Variants in FRYL observed in about 807,000 individuals in gnomAD.
FRYL encodes the protein FRY like transcription coactivator, also known as protein furry homolog-like.
Under a neutral mutation model 351.2 loss-of-function variants are expected in FRYL, and 150 were observed. The observed-to-expected ratio is 0.43, with a 90% CI of 0.37 to 0.49. The LOEUF is 0.49. Among genes scored for constraint, FRYL ranks in the 20% least tolerant of loss-of-function variants. The probability of loss-of-function intolerance (pLI) is 0.00; values close to 1 mark genes in which losing one functional copy is unlikely to be tolerated. For synonymous variants in FRYL, 1,153 were observed against 1,257.1 expected, an observed-to-expected ratio of 0.92 and a Z score of 1.75; for missense variants, 3,036 against 3,619.3, an observed-to-expected ratio of 0.84 and a Z score of 4.13.
At chr4:48,753,924 C>A (rs969689220) in intron 1 of FRYL, among the ~76,000 whole-genome samples, 30 of 151,052 alleles carry the variant, frequency 2.0e-4, no homozygotes, top group African/African-American at 6.3e-4. Flanking sequence ...TGCCCTTGCC[C>A]AAAAAAAATG....
chr4:48,584,943 C>G lies in FRYL; in HGVS notation c.1748+1678G>C, dbSNP rs550370918. ...AGGTAAATTATTAGTAAACAAATAT[C>G]ATAGGAGAAAGAAGCAAAGTGAACA... On this transcript the variant is annotated intron_variant, in intron 19 of 63. Coordinates refer to ENST00000358350, the MANE Select transcript of FRYL (RefSeq NM_015030.2). 3.4e-4 allele frequency among the ~76,000 whole-genome samples: 51 copies of G among 152,226 alleles called. 1 individual carries two copies. In the South Asian group the frequency reaches 6.6e-3, roughly 20 times the overall value.
In FRYL at chr4:48,501,784, A is replaced by G. The variant is rs377195520; in HGVS notation, c.8482-51T>C. On this transcript the variant is annotated intron_variant, in intron 61 of 63. Coordinates refer to ENST00000358350, the MANE Select transcript of FRYL (RefSeq NM_015030.2). ...ATTTAGGTGTTATTTTCTAGACAGC[A>G]TATTTCCAATGGAAATTTATAGTTA... is the stretch of plus-strand genomic sequence containing the variant. 2.9e-5 allele frequency: 30 copies of G among 1,034,332 alleles called. No homozygotes were observed. The Admixed American group carries it at 5.2e-4, about 18-fold the overall frequency. The allele number at this position is 1,034,332 out of a possible 1,614,324, so 64.1% of individuals were successfully genotyped here. A position where few individuals can be genotyped will look rare whatever the true frequency, so the allele number is the denominator to read the frequency against.
In FRYL at chr4:48,551,698, A is replaced by G. The variant is rs867169819; in HGVS notation, c.4436-120T>C. 3.3e-5 allele frequency: 21 copies of G among 645,674 alleles called. No individual in the cohort carries two copies. The Middle Eastern group carries it at 1.5e-3, about 46-fold the overall frequency. 40.0% of individuals were successfully genotyped at this position (645,674 alleles called of 1,614,324 possible). A position where few individuals can be genotyped will look rare whatever the true frequency, so the allele number is the denominator to read the frequency against. ...CTAAAATGAGAGCAAAGTCATTTAA[A>G]AAAAGGAATGTACTCATAATGACCA... On this transcript the variant is annotated intron_variant, in intron 36 of 63. Coordinates refer to ENST00000358350, the MANE Select transcript of FRYL (RefSeq NM_015030.2).
At chr4:48,743,050 C>T (rs1325588120) in intron 1 of FRYL, among the ~76,000 whole-genome samples, 2 of 138,740 alleles carry the variant, frequency 1.4e-5, no homozygotes, top group East Asian at 4.5e-4. Context: ...AACTCCTGAC[C>T]TCAAGTGATC....
intron 33 of FRYL, among the ~76,000 whole-genome samples, chr4:48,559,364 G>A (rs1734870989): frequency 6.6e-6 from 1 of 150,826 alleles, no homozygotes; most frequent in Non-Finnish European, 1.5e-5. Context: ...ATGATAGGAG[G>A]TGGGGGCCCG....
At chr4:48,519,212 C>T (rs1724346529) in intron 55 of FRYL, among the ~76,000 whole-genome samples, 1 of 152,202 alleles carries the variant, frequency 6.6e-6, no homozygotes, top group Non-Finnish European at 1.5e-5. Flanking sequence ...TATAGGACTT[C>T]TCCTGTCTTG....
intron 1 of FRYL, among the ~76,000 whole-genome samples, chr4:48,757,780 C>T (rs1773951425): frequency 6.6e-6 from 1 of 152,198 alleles, no homozygotes; most frequent in Admixed American, 6.5e-5. Flanking sequence ...ATCGCCAAGA[C>T]AATCCTAAGC....
rs1324763758 is a variant in FRYL, at chr4:48,567,406, A to T, written c.3011T>A (p.Leu1004His). The T allele has an allele frequency of 1.2e-6, 2 of 1,604,120 alleles. No homozygotes were observed. The highest frequency in any genetic ancestry group is 1.7e-6 in the Non-Finnish European group (2 of 1,176,724). ...GTTGAGAAAATGTGTTTCATTATCAAGGCCACCACTTGCACTGAAAATATT... is the reference window on the plus strand; with the variant it reads ...GTTGAGAAAATGTGTTTCATTATCATGGCCACCACTTGCACTGAAAATATT... ...GVISHSASGG[L>H]DNETHFLNNT... is the part of the protein sequence containing the mutation. The change falls in exon 28 of 64, where the codon CTT becomes CAT. Residue 1004 changes from leucine to histidine, a missense_variant. Physicochemically the swap from Leu to His is moderately conservative, Grantham distance 99 (BLOSUM62 -3). Around this residue, in one of 7 missense-constraint regions of FRYL, gnomAD observed 492 missense variants for 551.5 expected, o/e 0.89. Transcript: ENST00000358350. This position sits in a 1 kb window ranked among gnomAD's most constrained non-coding sequence, Gnocchi z 4.2.
chr4:48,576,320 G>C, intron 23 of FRYL, 98 bp from the exon 24 acceptor site: 1 of 692,386 alleles, frequency 1.4e-6, no homozygotes, highest in Non-Finnish European at 2.0e-6. Flanking sequence ...TTTTTTTTTT[G>C]AGACAGAGTG....
chr4:48,534,756 T>C (rs1199460359), intron 48 of FRYL, 71 bp from the exon 49 acceptor site: 3 of 933,814 alleles, frequency 3.2e-6, no homozygotes, highest in Non-Finnish European at 4.8e-6. Context: ...ATATTTACAT[T>C]TGACAGGTTG....
chr4:48,598,840 C>T, intron 13 of FRYL: 3 of 984,800 alleles, frequency 3.0e-6, no homozygotes, highest in South Asian at 4.7e-5. Context: ...TGGAGTGTTT[C>T]TATTTGTTTT....
At chr4:48,666,923 G>A (rs1761809104) in intron 3 of FRYL, among the ~76,000 whole-genome samples, 1 of 151,938 alleles carries the variant, frequency 6.6e-6, no homozygotes, top group Non-Finnish European at 1.5e-5. Context: ...GAAGAATTTA[G>A]GTAAGATTAC....
At chr4:48,551,704 G>A (rs530370088) in intron 36 of FRYL, 126 bp from the exon 37 acceptor site, 420 of 620,872 alleles carry the variant, frequency 6.8e-4, no homozygotes, top group Non-Finnish European at 1.0e-3. Flanking sequence ...TTAAAAAAAG[G>A]AATGTACTCA....
intron 16 of FRYL, among the ~76,000 whole-genome samples, chr4:48,591,275 C>G (rs1337457783): frequency 6.6e-6 from 1 of 152,178 alleles, no homozygotes; most frequent in African/African-American, 2.4e-5. Flanking sequence ...GAGGGAGTGA[C>G]AGTCTTCTTA....
intron 3 of FRYL, among the ~76,000 whole-genome samples, chr4:48,682,228 T>C (rs1179582422): frequency 6.6e-6 from 1 of 152,042 alleles, no homozygotes; most frequent in Admixed American, 6.6e-5. Flanking sequence ...GAACCACAAA[T>C]GGTCTACATA....
At chr4:48,623,249 C>T in intron 4 of FRYL, 70 bp from the exon 5 acceptor site, 1 of 885,530 alleles carries the variant, frequency 1.1e-6, no homozygotes, top group Middle Eastern at 3.4e-4. Flanking sequence ...AAATCTTCTA[C>T]ATAATAAACA....
intron 63 of FRYL, 112 bp downstream of exon 63, chr4:48,499,918 T>C: frequency 1.2e-6 from 1 of 863,116 alleles, no homozygotes; most frequent in Non-Finnish European, 1.8e-6. Context: ...TACTCATGTT[T>C]TTCTTTCACA....
chr4:48,541,212 T>C (rs1006966563), intron 45 of FRYL, among the ~76,000 whole-genome samples: 14 of 152,210 alleles, frequency 9.2e-5, no homozygotes, highest in African/African-American at 3.1e-4. Context: ...AATTCTGCTA[T>C]AGTAATCGCT....
At chr4:48,676,438 G>A (rs1462864178) in intron 3 of FRYL, among the ~76,000 whole-genome samples, 6 of 152,114 alleles carry the variant, frequency 3.9e-5, no homozygotes, top group African/African-American at 1.4e-4. Context: ...GAGGGTCCGC[G>A]GCTTCATTCT....
Sources: allele counts gnomAD v4.1 joint callset (sites outside exome capture counted in the v4.1 genomes callset), GRCh38; gene constraint gnomAD v4.1.1; regional missense constraint gnomAD v4.1.1; non-coding constraint Gnocchi (gnomAD v3.1); transcripts MANE v1.5; gene names NCBI Gene and HGNC (gene_info 2026-07-23, HGNC 2026-07-21).